CTNND2: variants seen among roughly 807,000 people sequenced by gnomAD.
CTNND2 encodes the protein catenin delta-2.
Under a neutral mutation model 144.4 loss-of-function variants are expected in CTNND2, and 22 were observed. That is an observed-to-expected ratio of 0.15 (90% CI 0.11 to 0.22). The LOEUF (loss-of-function observed/expected upper bound fraction) is 0.22. Among genes scored for constraint, CTNND2 ranks in the 10% least tolerant of loss-of-function variants. CTNND2 has a pLI of 1.00. For synonymous variants in CTNND2, 751 were observed against 695.6 expected (o/e 1.08, Z -1.25); for missense variants, 1,353 against 1,618.8 (o/e 0.84, Z 2.82).
chr5:11,539,446 C>T (rs1048233894), intron 3 of CTNND2, among the ~76,000 whole-genome samples: 2 of 152,218 alleles, frequency 1.3e-5, no homozygotes, highest in African/African-American at 4.8e-5. Flanking sequence ...AGTGTGGTGT[C>T]CACCTAGCTA....
chr5:11,533,387 G>A (rs552429731), intron 3 of CTNND2, among the ~76,000 whole-genome samples: 1 of 152,272 alleles, frequency 6.6e-6, no homozygotes, highest in East Asian at 1.9e-4. Context: ...TTCCACCTAG[G>A]GTGGGATTTA....
intron 2 of CTNND2, among the ~76,000 whole-genome samples, chr5:11,644,467 G>A (rs1296568089): frequency 6.6e-6 from 1 of 152,124 alleles, no homozygotes; most frequent in Non-Finnish European, 1.5e-5. Context: ...GAGGTCAGGA[G>A]ATCAAGACCA....
At chr5:11,591,114 C>T (rs36083381) in intron 2 of CTNND2, among the ~76,000 whole-genome samples, 33,833 of 152,082 alleles carry the variant, frequency 0.22, 4,001 homozygotes, top group Non-Finnish European at 0.26. Context: ...AGACAAATGT[C>T]CCCATTATGT....
chr5:11,235,416 G>C (rs994319968), intron 10 of CTNND2, among the ~76,000 whole-genome samples: 5 of 152,120 alleles, frequency 3.3e-5, no homozygotes, highest in African/African-American at 9.7e-5. Flanking sequence ...TTTGGGACAG[G>C]AGTCACGTAA....
intron 1 of CTNND2, among the ~76,000 whole-genome samples, chr5:11,902,121 C>A (rs567065187): frequency 6.6e-6 from 1 of 152,302 alleles, no homozygotes; most frequent in East Asian, 1.9e-4. Context: ...AATCAAAGGC[C>A]TCCCAAATTT....
At chr5:11,761,847 C>T (rs1304481298) in intron 1 of CTNND2, among the ~76,000 whole-genome samples, 1 of 152,066 alleles carries the variant, frequency 6.6e-6, no homozygotes, top group Non-Finnish European at 1.5e-5. Flanking sequence ...AGAAAACTTC[C>T]TATTTAAAAA....
In CTNND2 at chr5:10,973,314, T is replaced by C; in HGVS notation, c.*139A>G. 6 of 888,756 alleles carry C rather than the reference T, an allele frequency of 6.8e-6. No homozygotes were observed. The South Asian group carries it at 1.5e-4, about 22-fold the overall frequency. 55.1% of individuals were successfully genotyped at this position (888,756 alleles called of 1,614,324 possible). ...AGCTTTCTAAAATAGCTCTTAATAT[T>C]TCCTTACTGGTTATCACAGCCTTCC... On this transcript the variant is annotated 3_prime_UTR_variant, in exon 22 of 22. Coordinates refer to ENST00000304623, the MANE Select transcript of CTNND2 (RefSeq NM_001332.4). This position sits in a 1 kb window ranked among gnomAD's most constrained non-coding sequence, Gnocchi z 5.6.
At chr5:11,494,527 A>C (rs771418319) in intron 3 of CTNND2, among the ~76,000 whole-genome samples, 12 of 152,184 alleles carry the variant, frequency 7.9e-5, no homozygotes, top group Non-Finnish European at 1.5e-4. Context: ...AGGTGCTGCC[A>C]CCTTTTGGTT....
chr5:11,824,283 G>A (rs114890598), intron 1 of CTNND2, among the ~76,000 whole-genome samples: 3,296 of 152,134 alleles, frequency 0.022, 48 homozygotes, highest in Non-Finnish European at 0.032. Flanking sequence ...ATAGTATTAC[G>A]TCAAAAATTC....
At chr5:11,285,246 C>T (rs1327242605) in intron 9 of CTNND2, among the ~76,000 whole-genome samples, 1 of 152,174 alleles carries the variant, frequency 6.6e-6, no homozygotes, top group Non-Finnish European at 1.5e-5. Flanking sequence ...ACTGACCCCA[C>T]CCACCACTGC....
chr5:11,367,017 T>C (rs998173328), intron 7 of CTNND2, among the ~76,000 whole-genome samples: 2 of 152,210 alleles, frequency 1.3e-5, no homozygotes, highest in African/African-American at 4.8e-5. Context: ...GCTGATATTA[T>C]TACGAATATA....
intron 9 of CTNND2, among the ~76,000 whole-genome samples, chr5:11,255,464 G>A (rs998493851): frequency 6.6e-6 from 1 of 152,152 alleles, no homozygotes; most frequent in Admixed American, 6.5e-5. Context: ...TTAACAGCTA[G>A]GGAGGTTTCA....
At chr5:11,874,775 C>T (rs573567342) in intron 1 of CTNND2, among the ~76,000 whole-genome samples, 2 of 152,238 alleles carry the variant, frequency 1.3e-5, no homozygotes, top group South Asian at 4.1e-4. Flanking sequence ...ATAACTGAAA[C>T]CTGAAAATTG....
At chr5:11,423,908 A>G (rs1396324885) in intron 3 of CTNND2, among the ~76,000 whole-genome samples, 1 of 152,126 alleles carries the variant, frequency 6.6e-6, no homozygotes, top group African/African-American at 2.4e-5. Flanking sequence ...GCTTTTTTTG[A>G]GGATCAACAG....
At chr5:11,281,327 T>G (rs1387673021) in intron 9 of CTNND2, among the ~76,000 whole-genome samples, 2 of 152,134 alleles carry the variant, frequency 1.3e-5, no homozygotes, top group Non-Finnish European at 2.9e-5. Flanking sequence ...ACTCCATCAA[T>G]TTTTCTAAAA....
chr5:11,427,904 G>T (rs771511083), intron 3 of CTNND2, among the ~76,000 whole-genome samples: 1 of 152,164 alleles, frequency 6.6e-6, no homozygotes, highest in Non-Finnish European at 1.5e-5. Context: ...GGAAAAAGAG[G>T]TTTAATTGGA....
rs542166836 is a variant in CTNND2, at chr5:11,411,969, A to G, written c.322+66T>C. On this transcript the variant is annotated intron_variant, in intron 4 of 21. Transcript: ENST00000304623. ...TTTTCTAAGTCTCATTCTAAAGTTCATAAGAAAAGTCATCAGTAGAGATAT... is the reference window on the plus strand; with the variant it reads ...TTTTCTAAGTCTCATTCTAAAGTTCGTAAGAAAAGTCATCAGTAGAGATAT... The G allele has an allele frequency of 8.1e-5, 104 of 1,278,188 alleles. No individual in the cohort carries two copies. In the East Asian group the frequency reaches 1.9e-3, roughly 24 times the overall value. The allele number at this position is 1,278,188 out of a possible 1,614,324, so 79.2% of individuals were successfully genotyped here. A position where few individuals can be genotyped will look rare whatever the true frequency, so the allele number is the denominator to read the frequency against.
At chr5:11,708,604 GATT>G (rs1449898098) in intron 2 of CTNND2, among the ~76,000 whole-genome samples, 1 of 152,074 alleles carries the variant, frequency 6.6e-6, no homozygotes, top group African/African-American at 2.4e-5. Context: ...GCGAGTCTGG[GATT>G]ATCTAGGGCG....
chr5:11,723,794 T>C (rs928952512), intron 2 of CTNND2, among the ~76,000 whole-genome samples: 3 of 151,944 alleles, frequency 2.0e-5, no homozygotes, highest in Admixed American at 1.3e-4. Flanking sequence ...TGGTGGCTCA[T>C]GTCTGTAATT....
Sources: allele counts gnomAD v4.1 joint callset (sites outside exome capture counted in the v4.1 genomes callset), GRCh38; gene constraint gnomAD v4.1.1; non-coding constraint Gnocchi (gnomAD v3.1); transcripts MANE v1.5; gene names NCBI Gene and HGNC (gene_info 2026-07-23, HGNC 2026-07-21).